FNDC3B: variants seen among roughly 807,000 people sequenced by gnomAD.
FNDC3B encodes fibronectin type III domain containing 3B.
FNDC3B carries 12 observed loss-of-function variants against 151.5 expected under a neutral mutation model. That is an observed-to-expected ratio of 0.08 (90% CI 0.05 to 0.13). The LOEUF is 0.13. Among genes scored for constraint, FNDC3B ranks in the 10% least tolerant of loss-of-function variants. The pLI, the probability that FNDC3B is intolerant of heterozygous loss-of-function variation, is 1.00. For missense variants in FNDC3B, 1,214 were observed against 1,505.3 expected, an observed-to-expected ratio of 0.81 and a Z score of 3.20; for synonymous variants, 528 against 549.0, an observed-to-expected ratio of 0.96 and a Z score of 0.54.
intron 6 of FNDC3B, among the ~76,000 whole-genome samples, chr3:172,275,752 A>G (rs879561350): frequency 1.3e-5 from 2 of 152,114 alleles, no homozygotes; most frequent in Admixed American, 6.5e-5. Flanking sequence ...TTCTCAGTTC[A>G]GTGCATTTAG....
At chr3:172,203,652 C>A (rs186113858) in intron 3 of FNDC3B, among the ~76,000 whole-genome samples, 1 of 152,158 alleles carries the variant, frequency 6.6e-6, no homozygotes, top group Non-Finnish European at 1.5e-5. Flanking sequence ...TCTTCCAGAT[C>A]GCAGTGGTAA....
intron 2 of FNDC3B, among the ~76,000 whole-genome samples, chr3:172,128,747 G>T (rs1350980065): frequency 1.3e-5 from 2 of 152,156 alleles, no homozygotes; most frequent in East Asian, 1.9e-4. Context: ...CCCCCTTAAA[G>T]ATACCTGTTG....
chr3:172,265,978 T>C (rs1728906042), intron 6 of FNDC3B, among the ~76,000 whole-genome samples: 1 of 152,246 alleles, frequency 6.6e-6, no homozygotes, highest in Non-Finnish European at 1.5e-5. Context: ...ATTTTTTGAC[T>C]AGGTAACTGC....
At chr3:172,360,222 T>G (rs1734297672) in intron 22 of FNDC3B, among the ~76,000 whole-genome samples, 1 of 152,192 alleles carries the variant, frequency 6.6e-6, no homozygotes, top group South Asian at 2.1e-4. Context: ...ATGTCAAACA[T>G]GTTTTTGTGT....
In FNDC3B at chr3:172,211,394, T is replaced by G. The variant is rs147983422; in HGVS notation, c.188-15477T>G. 4.1e-3 allele frequency among the ~76,000 whole-genome samples: 617 copies of G among 152,232 alleles called. 3 individuals carry two copies. The highest frequency in any genetic ancestry group is 0.014 in the African/African-American group (584 of 41,526). Reference sequence around the variant, plus strand: ...AGGGAAGAGGTTGACTGGACTTATTTCTGAATTTGACTGTCAGTAGCCCAG... The same window carrying G: ...AGGGAAGAGGTTGACTGGACTTATTGCTGAATTTGACTGTCAGTAGCCCAG... On this transcript the variant is annotated intron_variant, in intron 3 of 25. Transcript: ENST00000415807.
chr3:172,278,882 G>A (rs1054983090), intron 6 of FNDC3B, among the ~76,000 whole-genome samples: 4 of 152,020 alleles, frequency 2.6e-5, no homozygotes, highest in Admixed American at 6.6e-5. Flanking sequence ...AGCCGAGATC[G>A]CACCACTGCA....
intron 3 of FNDC3B, among the ~76,000 whole-genome samples, chr3:172,191,787 A>G (rs1463590120): frequency 1.3e-5 from 2 of 152,074 alleles, no homozygotes; most frequent in Non-Finnish European, 2.9e-5. Context: ...CCTGGCCTCA[A>G]ATTCTTGTGT....
At chr3:172,064,704 T>C (rs565798363) in intron 1 of FNDC3B, among the ~76,000 whole-genome samples, 3 of 152,362 alleles carry the variant, frequency 2.0e-5, no homozygotes, top group African/African-American at 7.2e-5. Flanking sequence ...TATCAAATTT[T>C]AGCTTCTGAG....
At chr3:172,237,554 G>C (rs1727229781) in intron 4 of FNDC3B, 1 of 152,116 alleles carries the variant, frequency 6.6e-6, no homozygotes, top group African/African-American at 2.4e-5. Context: ...CCCATGAATA[G>C]CCATCACACT....
intron 6 of FNDC3B, among the ~76,000 whole-genome samples, chr3:172,281,720 C>T (rs1187401766): frequency 1.3e-5 from 2 of 152,114 alleles, no homozygotes; most frequent in Admixed American, 1.3e-4. Context: ...TTAGTTGGCT[C>T]ACACCAAGTA....
intron 23 of FNDC3B, among the ~76,000 whole-genome samples, chr3:172,371,080 A>G (rs1035311708): frequency 2.0e-5 from 3 of 152,154 alleles, no homozygotes; most frequent in African/African-American, 7.2e-5. Flanking sequence ...TTTCCTCAGT[A>G]TCTATGGGTG....
At chr3:172,297,632 G>A (rs1392964858) in intron 8 of FNDC3B, among the ~76,000 whole-genome samples, 1 of 152,050 alleles carries the variant, frequency 6.6e-6, no homozygotes, top group African/African-American at 2.4e-5. Context: ...CCGCCACCAC[G>A]CCCGGCTAAT....
At chr3:172,388,572 G>A (rs932622180) in intron 25 of FNDC3B, among the ~76,000 whole-genome samples, 3 of 152,350 alleles carry the variant, frequency 2.0e-5, no homozygotes, top group Admixed American at 6.5e-5. Flanking sequence ...GACACAAAGC[G>A]TGGCCTGCTG....
intron 6 of FNDC3B, among the ~76,000 whole-genome samples, 195 bp downstream of exon 6, chr3:172,251,736 A>G (rs775971845): frequency 6.6e-6 from 1 of 152,214 alleles, no homozygotes; most frequent in Non-Finnish European, 1.5e-5. Context: ...TTAATACTTC[A>G]TGGCAGAAAT....
Position 172,352,742 on chromosome 3 carries a change from A to G in FNDC3B, c.2515-61A>G. 1 of 1,520,730 alleles carries G rather than the reference A, an allele frequency of 6.6e-7. No homozygotes were observed. Among genetic ancestry groups the G allele is most frequent in the South Asian group, 1.2e-5 (1 of 82,310 alleles). 94.2% of individuals were successfully genotyped at this position (1,520,730 alleles called of 1,614,324 possible). A position where few individuals can be genotyped will look rare whatever the true frequency, so the allele number is the denominator to read the frequency against. On this transcript the variant is annotated intron_variant, in intron 21 of 25. Transcript: ENST00000415807. This position sits in a 1 kb window ranked among gnomAD's most constrained non-coding sequence, Gnocchi z 4.2. ...AGATTTATTTAATGGCAGCTAACTC[A>G]GAGGCATCAAAATGTGCTAATGGTG...
chr3:172,294,825 A>G (rs1392444483), intron 7 of FNDC3B, among the ~76,000 whole-genome samples: 3 of 152,252 alleles, frequency 2.0e-5, no homozygotes, highest in African/African-American at 7.2e-5. Flanking sequence ...AACCAAAAGT[A>G]TGAAAGCAGA....
At chr3:172,158,654 A>G (rs1451778420) in intron 3 of FNDC3B, among the ~76,000 whole-genome samples, 1 of 152,184 alleles carries the variant, frequency 6.6e-6, no homozygotes, top group African/African-American at 2.4e-5. Context: ...TTTTGATGAC[A>G]TCCAATTTGA....
intron 6 of FNDC3B, among the ~76,000 whole-genome samples, chr3:172,265,510 A>G (rs959544928): frequency 6.6e-6 from 1 of 152,188 alleles, no homozygotes; most frequent in African/African-American, 2.4e-5. Flanking sequence ...AGTGCCCAAG[A>G]TGTTTACTTG....
At chr3:172,229,113 AC>A (rs1560028696) in intron 4 of FNDC3B, among the ~76,000 whole-genome samples, 13 of 151,246 alleles carry the variant, frequency 8.6e-5, no homozygotes, top group South Asian at 2.1e-4. Flanking sequence ...ACACACACAC[AC>A]ACACACACAC....
Sources: gnomAD v4.1 joint callset for allele counts (sites outside exome capture counted in the v4.1 genomes callset) on GRCh38, gnomAD v4.1.1 for gene constraint, Gnocchi (gnomAD v3.1) non-coding constraint, MANE v1.5 for transcripts, NCBI Gene and HGNC (gene_info 2026-07-23, HGNC 2026-07-21) for gene names.